Variants in ULK4 observed in about 807,000 individuals in gnomAD.
ULK4 encodes unc-51 like kinase 4.
Under a neutral mutation model 160.6 loss-of-function variants are expected in ULK4, and 133 were observed. The observed-to-expected ratio is 0.83, with a 90% CI of 0.72 to 0.96. ULK4 has a LOEUF of 0.96. Among genes scored for constraint, ULK4 ranks in the 40% least tolerant of loss-of-function variants. ULK4 has a pLI of 0.00. For missense variants in ULK4, 1,580 were observed against 1,499.5 expected, an observed-to-expected ratio of 1.05 and a Z score of -0.89; for synonymous variants, 534 against 539.8, an observed-to-expected ratio of 0.99 and a Z score of 0.15.
chr3:41,495,237 T>C (rs1431718523), intron 32 of ULK4, among the ~76,000 whole-genome samples: 1 of 151,900 alleles, frequency 6.6e-6, no homozygotes, highest in African/African-American at 2.4e-5. Context: ...GAGATATAGA[T>C]CAATGGAACA....
intron 32 of ULK4, among the ~76,000 whole-genome samples, chr3:41,473,619 A>C (rs1194833208): frequency 6.9e-6 from 1 of 144,688 alleles, no homozygotes. Flanking sequence ...CTGAGATCGC[A>C]CCACGGCACT....
intron 4 of ULK4, among the ~76,000 whole-genome samples, chr3:41,935,162 G>T (rs975348498): frequency 2.0e-5 from 3 of 148,446 alleles, no homozygotes; most frequent in African/African-American, 5.1e-5. Flanking sequence ...AATTACAGGC[G>T]CTCACCACCA....
intron 1 of ULK4, among the ~76,000 whole-genome samples, chr3:41,956,776 A>C (rs967994068): frequency 7.9e-5 from 12 of 152,226 alleles, no homozygotes; most frequent in African/African-American, 2.7e-4. Flanking sequence ...AATAAAGTTT[A>C]ATTGGAACAT....
At chr3:41,888,973 G>T (rs564840761) in intron 16 of ULK4, among the ~76,000 whole-genome samples, 1 of 152,234 alleles carries the variant, frequency 6.6e-6, no homozygotes, top group African/African-American at 2.4e-5. Context: ...CAAGCATAAA[G>T]GAAACTCACA....
At chr3:41,447,200 A>G (rs543300725) in intron 34 of ULK4, among the ~76,000 whole-genome samples, 1 of 151,626 alleles carries the variant, frequency 6.6e-6, no homozygotes, top group East Asian at 1.9e-4. Context: ...TCTTTCTTCA[A>G]CCTCTCTAAC....
Position 41,945,842 on chromosome 3 carries a change from T to C in ULK4, c.139-7645A>G, listed in dbSNP as rs138394636. On this transcript the variant is annotated intron_variant, in intron 2 of 36. Coordinates refer to ENST00000301831, the MANE Select transcript of ULK4 (RefSeq NM_017886.4). ...GTGTTATCACCATCCTTCTTAGTCA[T>C]GTAGGCCAAAACCCTAGGATAATCA... Among the ~76,000 whole-genome samples, 608 of 152,300 alleles carry C rather than the reference T, an allele frequency of 4.0e-3. 9 individuals carry two copies. The highest frequency in any genetic ancestry group is 0.014 in the Middle Eastern group (4 of 294).
At chr3:41,312,900 C>T (rs2080078392) in intron 35 of ULK4, among the ~76,000 whole-genome samples, 1 of 151,906 alleles carries the variant, frequency 6.6e-6, no homozygotes, top group Non-Finnish European at 1.5e-5. Context: ...GCCCTAAGTG[C>T]TTATATTAGC....
chr3:41,907,352 G>A (rs563309340), intron 12 of ULK4, among the ~76,000 whole-genome samples: 7 of 151,720 alleles, frequency 4.6e-5, no homozygotes, highest in East Asian at 1.9e-4. Flanking sequence ...GCTGGAGTGC[G>A]GTGGTGCTGT....
intron 18 of ULK4, among the ~76,000 whole-genome samples, chr3:41,824,525 G>A (rs111369575): frequency 0.25 from 38,282 of 152,008 alleles, 5,922 homozygotes; most frequent in African/African-American, 0.44. Context: ...TATATCCCAC[G>A]CCTGGCTCGG....
At chr3:41,630,831 C>T (rs1215143254) in intron 30 of ULK4, among the ~76,000 whole-genome samples, 1 of 152,108 alleles carries the variant, frequency 6.6e-6, no homozygotes, top group East Asian at 1.9e-4. Context: ...GTGTACCAAC[C>T]AAAATAGAAG....
chr3:41,533,967 C>T (rs904025177), intron 32 of ULK4, among the ~76,000 whole-genome samples: 3 of 152,014 alleles, frequency 2.0e-5, no homozygotes, highest in African/African-American at 7.2e-5. Flanking sequence ...GCCACCACGC[C>T]CGGCTAATTT....
At chr3:41,364,263 C>G (rs2081207509) in intron 35 of ULK4, among the ~76,000 whole-genome samples, 1 of 152,154 alleles carries the variant, frequency 6.6e-6, no homozygotes, top group Non-Finnish European at 1.5e-5. Context: ...AATCCAGTCA[C>G]TGGTGATTAA....
At chr3:41,278,832 G>C (rs993452531) in intron 35 of ULK4, among the ~76,000 whole-genome samples, 1 of 152,136 alleles carries the variant, frequency 6.6e-6, no homozygotes, top group Non-Finnish European at 1.5e-5. Context: ...AAACCACAAA[G>C]ATGGGGAGAA....
intron 31 of ULK4, among the ~76,000 whole-genome samples, chr3:41,567,443 A>ATTTTTTTTTTT (rs71288055): frequency 1.1e-5 from 1 of 90,312 alleles, no homozygotes; most frequent in Non-Finnish European, 2.1e-5. Context: ...CACTTAACAG[A>ATTTTTTTTTTT]TTTTTTTTTT....
At chr3:41,384,921 G>A (rs935149683) in intron 35 of ULK4, among the ~76,000 whole-genome samples, 10 of 152,142 alleles carry the variant, frequency 6.6e-5, no homozygotes, top group Admixed American at 4.6e-4. Context: ...TGGGCATGCT[G>A]GTGCATGCCT....
chr3:41,388,381 A>G (rs1357877915), intron 35 of ULK4, among the ~76,000 whole-genome samples: 1 of 151,960 alleles, frequency 6.6e-6, no homozygotes, highest in South Asian at 2.1e-4. Context: ...TAGTTTAATT[A>G]GATCCCATTT....
intron 19 of ULK4, among the ~76,000 whole-genome samples, chr3:41,804,602 T>G (rs149746572): frequency 6.6e-6 from 1 of 151,382 alleles, no homozygotes; most frequent in Non-Finnish European, 1.5e-5. Flanking sequence ...CTTCTAGGCT[T>G]TTTATGGTTT....
chr3:41,339,481 C>G (rs2080636842), intron 35 of ULK4, among the ~76,000 whole-genome samples: 1 of 152,202 alleles, frequency 6.6e-6, no homozygotes, highest in Non-Finnish European at 1.5e-5. Context: ...CTGCTAGGCT[C>G]CTACTGTGCT....
chr3:41,536,863 TTTG>T (rs2086518663), intron 32 of ULK4, among the ~76,000 whole-genome samples: 1 of 132,824 alleles, frequency 7.5e-6, no homozygotes, highest in Non-Finnish European at 1.7e-5. Context: ...AATTTGTCTT[TTTG>T]TTTTTTTCAT....
Sources: allele counts gnomAD v4.1 joint callset (sites outside exome capture counted in the v4.1 genomes callset), GRCh38; gene constraint gnomAD v4.1.1; transcripts MANE v1.5; gene names NCBI Gene and HGNC (gene_info 2026-07-23, HGNC 2026-07-21).